SLC71A2: variants seen among roughly 807,000 people sequenced by gnomAD.
The protein encoded by SLC71A2 is hippocampus abundant transcript-like 1.
chr9:94,419,130 A>T, the SLC71A2 span, among the ~76,000 whole-genome samples: 1 of 149,644 alleles, frequency 6.7e-6, no homozygotes, highest in Non-Finnish European at 1.5e-5. Context: ...TTTTTTTTTT[A>T]AGAGACAGGG....
the SLC71A2 span, among the ~76,000 whole-genome samples, chr9:94,413,208 TTAAA>T: frequency 5.3e-5 from 8 of 152,122 alleles, no homozygotes; most frequent in South Asian, 1.7e-3. Flanking sequence ...AAATGCAGTG[TTAAA>T]TCTTTGATTA....
At chr9:94,418,300 T>C in the SLC71A2 span, among the ~76,000 whole-genome samples, 1 of 152,244 alleles carries the variant, frequency 6.6e-6, no homozygotes, top group Non-Finnish European at 1.5e-5. Context: ...ACTGTTTCTT[T>C]CTTTGTTCAT....
chr9:94,454,528 G>A, the SLC71A2 span, among the ~76,000 whole-genome samples: 4 of 151,684 alleles, frequency 2.6e-5, no homozygotes, highest in South Asian at 2.1e-4. Flanking sequence ...CCACACGCCC[G>A]GCTAATTTTT....
chr9:94,382,833 C>A, the SLC71A2 span, among the ~76,000 whole-genome samples: 2 of 152,080 alleles, frequency 1.3e-5, no homozygotes, highest in Non-Finnish European at 2.9e-5. Flanking sequence ...TCCGCCACCA[C>A]GCCTGGCTAA....
At chr9:94,430,079 A>G in the SLC71A2 span, among the ~76,000 whole-genome samples, 1 of 150,756 alleles carries the variant, frequency 6.6e-6, no homozygotes. Flanking sequence ...TGATTTTTGT[A>G]TTTTTAGTAG....
At chr9:94,418,086 C>T in the SLC71A2 span, among the ~76,000 whole-genome samples, 1 of 152,176 alleles carries the variant, frequency 6.6e-6, no homozygotes, top group African/African-American at 2.4e-5. Context: ...TGGTCTCGAA[C>T]TCCTGACCTC....
the SLC71A2 span, among the ~76,000 whole-genome samples, chr9:94,401,851 A>G: frequency 6.6e-6 from 1 of 151,932 alleles, no homozygotes; most frequent in South Asian, 2.1e-4. Context: ...AAGAATGGCT[A>G]CTCCATAGAC....
At chr9:94,445,758 T>C in the SLC71A2 span, among the ~76,000 whole-genome samples, 1 of 152,208 alleles carries the variant, frequency 6.6e-6, no homozygotes, top group Non-Finnish European at 1.5e-5. Flanking sequence ...TGGTTTGAAA[T>C]TGTTCTTGGG....
chr9:94,418,321 C>T, the SLC71A2 span, among the ~76,000 whole-genome samples: 1 of 152,160 alleles, frequency 6.6e-6, no homozygotes, highest in Non-Finnish European at 1.5e-5. Context: ...CTTAAATTGT[C>T]TGTGTTGTCA....
the SLC71A2 span, among the ~76,000 whole-genome samples, chr9:94,453,175 A>T: frequency 7.5e-6 from 1 of 132,656 alleles, no homozygotes; most frequent in East Asian, 2.2e-4. Flanking sequence ...TTTGACACGG[A>T]GTCTCGCTCT....
the SLC71A2 span, among the ~76,000 whole-genome samples, chr9:94,398,007 C>T: frequency 4.6e-5 from 7 of 151,976 alleles, no homozygotes; most frequent in African/African-American, 1.7e-4. Context: ...TTATATTCCA[C>T]CTACTTGGGG....
At chr9:94,400,106 G>C in the SLC71A2 span, among the ~76,000 whole-genome samples, 2 of 151,900 alleles carry the variant, frequency 1.3e-5, no homozygotes, top group Non-Finnish European at 2.9e-5. Flanking sequence ...CACTGCGCCC[G>C]GCCAGAGAAA....
At chr9:94,406,727 A>G in the SLC71A2 span, among the ~76,000 whole-genome samples, 4 of 152,166 alleles carry the variant, frequency 2.6e-5, no homozygotes, top group Non-Finnish European at 4.4e-5. Flanking sequence ...GTGTATAGAA[A>G]TGCAGCTGAT....
At chr9:94,408,012 C>T in the SLC71A2 span, among the ~76,000 whole-genome samples, 1 of 152,080 alleles carries the variant, frequency 6.6e-6, no homozygotes, top group East Asian at 1.9e-4. Context: ...GTTCAAGTAG[C>T]CCTTATTTTA....
the SLC71A2 span, among the ~76,000 whole-genome samples, chr9:94,438,021 CG>C: frequency 6.6e-6 from 1 of 152,026 alleles, no homozygotes; most frequent in Non-Finnish European, 1.5e-5. Flanking sequence ...CTCTGCCTCT[CG>C]GGTTCAAGTG....
At chr9:94,455,338 T>A in the SLC71A2 span, among the ~76,000 whole-genome samples, 1,465 of 141,708 alleles carry the variant, frequency 0.01, 24 homozygotes, top group African/African-American at 0.038. Flanking sequence ...CTGGCTAATA[T>A]TTTGATTTTT....
the SLC71A2 span, among the ~76,000 whole-genome samples, chr9:94,382,833 C>T: frequency 2.0e-5 from 3 of 152,080 alleles, no homozygotes; most frequent in African/African-American, 7.2e-5. Context: ...TCCGCCACCA[C>T]GCCTGGCTAA....
At chr9:94,415,996 A>C in the SLC71A2 span, among the ~76,000 whole-genome samples, 39 of 152,258 alleles carry the variant, frequency 2.6e-4, no homozygotes, top group African/African-American at 8.4e-4. Context: ...GGAGTGTCTA[A>C]ATTTCAGTTT....
the SLC71A2 span, among the ~76,000 whole-genome samples, chr9:94,391,377 A>C: frequency 2.3e-3 from 345 of 150,418 alleles, 1 homozygote; most frequent in African/African-American, 7.3e-3. Flanking sequence ...AAAAAAAAAA[A>C]GGAAAAAGGA....
Sources: gnomAD v4.1 joint callset for allele counts (sites outside exome capture counted in the v4.1 genomes callset) on GRCh38, gnomAD v4.1.1 for gene constraint, MANE v1.5 for transcripts, NCBI Gene and HGNC (gene_info 2026-07-23, HGNC 2026-07-21) for gene names.